COL2A1: variants seen among roughly 807,000 people sequenced by gnomAD.
COL2A1 encodes the protein collagen alpha-1(II) chain.
In COL2A1, 28 loss-of-function variants were observed where a neutral mutation model predicts 204.5. The observed-to-expected ratio is 0.14, with a 90% CI of 0.10 to 0.19. The LOEUF (loss-of-function observed/expected upper bound fraction) is 0.19, where lower values mean the gene tolerates loss of function less well. COL2A1 is among the 10% of genes least tolerant of loss of function. COL2A1 has a pLI of 1.00. For synonymous variants in COL2A1, 708 were observed against 718.7 expected (o/e 0.99, Z 0.24); for missense variants, 1,388 against 2,027.5 (o/e 0.68, Z 6.06).
chr12:48,001,802 AG>A (rs1175009192), intron 1 of COL2A1, among the ~76,000 whole-genome samples: 2 of 152,188 alleles, frequency 1.3e-5, no homozygotes, highest in Non-Finnish European at 2.9e-5. Flanking sequence ...TGGACGGAGG[AG>A]CCCAGCACCA....
In COL2A1 at chr12:47,995,376, T is replaced by C. The variant is rs113812393; in HGVS notation, c.709-68A>G. The C allele has an allele frequency of 4.1e-3, 5,513 of 1,346,764 alleles. 23 individuals are homozygous for C. Among genetic ancestry groups the C allele is most frequent in the Middle Eastern group, 5.9e-3 (33 of 5,554 alleles). 83.4% of individuals were successfully genotyped at this position (1,346,764 alleles called of 1,614,324 possible). ...AAGACACCTAAGCAATGGACAAAACTTTGACATTGTAGTTTTGGAAGCCAG... is the reference window on the plus strand; with the variant it reads ...AAGACACCTAAGCAATGGACAAAACCTTGACATTGTAGTTTTGGAAGCCAG... On this transcript the variant is annotated intron_variant, in intron 10 of 53. Coordinates refer to ENST00000380518, the MANE Select transcript of COL2A1 (RefSeq NM_001844.5).
At chr12:47,973,622 G>A in intron 53 of COL2A1, 69 bp from the exon 54 acceptor site, 1 of 1,582,154 alleles carries the variant, frequency 6.3e-7, no homozygotes, top group Non-Finnish European at 8.7e-7. Context: ...CTGCCCAGAA[G>A]CCCAAAACTG....
chr12:47,987,031 G>C lies in COL2A1; in HGVS notation c.1365+47C>G. On this transcript the variant is annotated intron_variant, in intron 21 of 53. Coordinates refer to ENST00000380518, the MANE Select transcript of COL2A1 (RefSeq NM_001844.5). This position sits in a 1 kb window ranked among gnomAD's most constrained non-coding sequence, Gnocchi z 4.1. ...ATGGGAAAGAGGGGTGATGGGGTTT[G>C]ACTCCAGAGATGTCAGTGGAACTTG... The C allele has an allele frequency of 6.3e-7, 1 of 1,593,200 alleles. No homozygotes were observed. Among genetic ancestry groups the C allele is most frequent in the African/African-American group, 1.3e-5 (1 of 74,638 alleles).
chr12:47,983,220 C>A, intron 31 of COL2A1, 83 bp from the exon 32 acceptor site: 1 of 1,532,798 alleles, frequency 6.5e-7, no homozygotes, highest in South Asian at 1.2e-5. Flanking sequence ...GGCTGAATAT[C>A]ACTCCTCCCA....
chr12:48,005,693 C>G (rs1242585063), upstream of COL2A1: 1 of 152,276 alleles, frequency 6.6e-6, no homozygotes, highest in Non-Finnish European at 1.5e-5. Context: ...CGTCCCCAAA[C>G]AGACCTTCCT....
At position 47,984,565 on chromosome 12, in the gene COL2A1, G is replaced by C; in HGVS notation, c.1868C>G (p.Pro623Arg). 1 of 1,614,172 alleles carries C rather than the reference G, an allele frequency of 6.2e-7. No homozygotes were observed. Among genetic ancestry groups the C allele is most frequent in the Non-Finnish European group, 8.5e-7 (1 of 1,180,024 alleles). Residue 623 changes from proline to arginine, a missense_variant, in exon 28 of 54, where the codon CCT becomes CGT. Around this residue, in one of 3 missense-constraint regions of COL2A1, gnomAD observed 884 missense variants for 1,415.8 expected, o/e 0.62. Coordinates refer to ENST00000380518, the MANE Select transcript of COL2A1 (RefSeq NM_001844.5). The part of the protein sequence containing the change: ...EPGKAGEKGL[P>R]GAPGLRGLPG... Reference sequence around the variant, plus strand: ...ACTTACCCTCAGACCAGGAGCACCAGGCAGTCCCTTCTCACCAGCTTTGCC... The same window carrying C: ...ACTTACCCTCAGACCAGGAGCACCACGCAGTCCCTTCTCACCAGCTTTGCC...
rs775115906 is a variant in COL2A1, at chr12:47,992,869, A to T, written c.1023+9T>A. Reference sequence around the variant, plus strand: ...CAAATGGTGGTGTTTGGCTTTGTCAATTACTCACCGCAGCGCCAGCAGGGC... The same window carrying T: ...CAAATGGTGGTGTTTGGCTTTGTCATTTACTCACCGCAGCGCCAGCAGGGC... On this transcript the variant is annotated intron_variant, in intron 16 of 53. Coordinates refer to ENST00000380518, the MANE Select transcript of COL2A1 (RefSeq NM_001844.5). 6.2e-7 allele frequency: 1 copy of T among 1,614,114 alleles called. No homozygotes were observed. Among genetic ancestry groups the T allele is most frequent in the East Asian group, 2.2e-5 (1 of 44,884 alleles).
In COL2A1 at chr12:47,986,573, C is replaced by T. The variant is rs1261143955; in HGVS notation, c.1420-130G>A. 56 of 722,790 alleles carry T rather than the reference C, an allele frequency of 7.7e-5. No individual in the cohort carries two copies. In the East Asian group the frequency reaches 1.3e-3, roughly 17 times the overall value. The allele number at this position is 722,790 out of a possible 1,614,324, so 44.8% of individuals were successfully genotyped here. ...TGGGGGGGGGCTTGAGGACGAGAGG[C>T]CATAAAGGACGAGCCATGGCAGGGC... On this transcript the variant is annotated intron_variant, in intron 22 of 53. Transcript: ENST00000380518.
chr12:47,995,647 G>T, intron 10 of COL2A1, 63 bp downstream of exon 10: 1 of 1,451,866 alleles, frequency 6.9e-7, no homozygotes, highest in Non-Finnish European at 9.7e-7. Flanking sequence ...CAGCAGCTGC[G>T]GTCCTAGTGG....
chr12:47,976,003 G>A lies in COL2A1; in HGVS notation c.3557C>T (p.Pro1186Leu), dbSNP rs1938688588. Residue 1186 changes from proline to leucine, a missense_variant, in exon 50 of 54, where the codon CCT becomes CTT. Transcript: ENST00000380518. The surrounding 1 kb of genome is among the most constrained non-coding windows in gnomAD (Gnocchi z 4.3). ...GCCTGATCGTCCACGGGGACCAGGAGGCCCAATGGGGCCAGGGATTCCATT... is the reference window on the plus strand; with the variant it reads ...GCCTGATCGTCCACGGGGACCAGGAAGCCCAATGGGGCCAGGGATTCCATT... ...GANGIPGPIG[P>L]PGPRGRSGET... 2.5e-6 allele frequency: 4 copies of A among 1,614,170 alleles called. No individual in the cohort carries two copies. Among genetic ancestry groups the A allele is most frequent in the Non-Finnish European group, 3.4e-6 (4 of 1,179,974 alleles).
At chr12:47,979,059 C>T (rs749344205) in intron 41 of COL2A1, among the ~76,000 whole-genome samples, 7 of 152,006 alleles carry the variant, frequency 4.6e-5, no homozygotes, top group South Asian at 4.2e-4. Flanking sequence ...CCTCAGGAGC[C>T]GCTCCAGCCC....
Position 47,980,961 on chromosome 12 carries a change from C to T in COL2A1, c.2471G>A (p.Arg824His), listed in dbSNP as rs762709402. The stretch of plus-strand genomic sequence containing the variant: ...TGGTCCGGGGGGCCCAGTCTCTCCA[C>T]GTTCACCCTGTGAGAGAAGGGGGCA... The part of the protein sequence containing the change: ...SAGARGAPGE[R>H]GETGPPGPAG... The change falls in exon 38 of 54, where the codon CGT (arginine) becomes CAT (histidine). Residue 824 changes from arginine (R) to histidine (H), a missense_variant. Physicochemically the swap from Arg to His is conservative, Grantham distance 29 (BLOSUM62 0). Around this residue, in one of 3 missense-constraint regions of COL2A1, gnomAD observed 884 missense variants for 1,415.8 expected, o/e 0.62. Transcript: ENST00000380518. This position sits in a 1 kb window ranked among gnomAD's most constrained non-coding sequence, Gnocchi z 4.5. The T allele has an allele frequency of 5.2e-6, 8 of 1,551,734 alleles. No homozygotes were observed. Among genetic ancestry groups the T allele is most frequent in the Non-Finnish European group, 7.0e-6 (8 of 1,147,296 alleles).
chr12:47,982,286 T>A (rs1209255531), intron 34 of COL2A1, 126 bp from the exon 35 acceptor site: 1 of 911,372 alleles, frequency 1.1e-6, no homozygotes, highest in African/African-American at 1.6e-5. Context: ...TGCTGTGGTC[T>A]CAGGGTGGGT....
intron 16 of COL2A1, 87 bp from the exon 17 acceptor site, chr12:47,989,892 A>T (rs1251048799): frequency 7.6e-7 from 1 of 1,318,780 alleles, no homozygotes; most frequent in Non-Finnish European, 1.1e-6. Flanking sequence ...AAAACGAAGG[A>T]CACACTGTGC....
chr12:48,000,091 C>T lies in COL2A1; in HGVS notation c.120G>A (p.Arg40=). ...GCTTCCACACATCCTTATCATTATA[C>T]CTCTGCCCATCCTGCACACAGCTGC... ...EAGSCVQDGQ[R]YNDKDVWKPE... is the part of the protein sequence containing the mutation. Residue 40 remains arginine (R), a synonymous_variant, in exon 2 of 54, where the codon AGG becomes AGA. Coordinates refer to ENST00000380518, the MANE Select transcript of COL2A1 (RefSeq NM_001844.5). 1 of 1,613,666 alleles carries T rather than the reference C, an allele frequency of 6.2e-7. No individual in the cohort carries two copies. The highest frequency in any genetic ancestry group is 8.5e-7 in the Non-Finnish European group (1 of 1,179,978).
Position 47,980,693 on chromosome 12 carries a change from G to A in COL2A1, c.2518-32C>T. ...TGGGAAGGAGGAAGCAGGTGAATGAGGGGCAGGCTAAAACCCTGGAGCTCT... is the reference window on the plus strand; with the variant it reads ...TGGGAAGGAGGAAGCAGGTGAATGAAGGGCAGGCTAAAACCCTGGAGCTCT... On this transcript the variant is annotated intron_variant, in intron 38 of 53. Transcript: ENST00000380518. This position sits in a 1 kb window ranked among gnomAD's most constrained non-coding sequence, Gnocchi z 4.5. 6.3e-7 allele frequency: 1 copy of A among 1,588,620 alleles called. No homozygotes were observed. Among genetic ancestry groups the A allele is most frequent in the Non-Finnish European group, 8.6e-7 (1 of 1,164,502 alleles).
chr12:47,990,569 G>A (rs1217205464), intron 16 of COL2A1, among the ~76,000 whole-genome samples: 2 of 152,158 alleles, frequency 1.3e-5, no homozygotes, highest in African/African-American at 4.8e-5. Context: ...CTCTTCCTCT[G>A]GCCCATCCCC....
At chr12:47,981,658 G>T (rs1034117587) in intron 36 of COL2A1, 118 bp downstream of exon 36, 2 of 1,240,394 alleles carry the variant, frequency 1.6e-6, no homozygotes, top group Non-Finnish European at 2.3e-6. Flanking sequence ...TCACTCCTAC[G>T]GCCTTGGCCG....
rs947631838 is a variant in COL2A1, at chr12:47,979,831, C to A, written c.2679+178G>T. Among the ~76,000 whole-genome samples, 6 of 152,320 alleles carry A rather than the reference C, an allele frequency of 3.9e-5. No homozygotes were observed. The East Asian group carries it at 1.2e-3, about 29-fold the overall frequency. ...CCTCGGGCTGGGGAATCCGGGACCA[C>A]AGTGCACCCAGCCCACAGGCGCCCT... On this transcript the variant is annotated intron_variant, in intron 40 of 53. Transcript: ENST00000380518.
Sources: allele counts gnomAD v4.1 joint callset (sites outside exome capture counted in the v4.1 genomes callset), GRCh38; gene constraint gnomAD v4.1.1; regional missense constraint gnomAD v4.1.1; non-coding constraint Gnocchi (gnomAD v3.1); transcripts MANE v1.5; gene names NCBI Gene and HGNC (gene_info 2026-07-23, HGNC 2026-07-21).